Variants in NAPA observed in about 807,000 individuals in gnomAD.
The protein encoded by NAPA is NSF attachment protein alpha.
Under a neutral mutation model 48.0 loss-of-function variants are expected in NAPA, and 18 were observed. The ratio of observed to expected loss-of-function variants is 0.38; its 90% CI spans 0.26 to 0.56. The LOEUF is 0.56. NAPA is among the 20% of genes least tolerant of loss of function. NAPA has a pLI of 0.77. For missense variants in NAPA, 315 were observed against 385.0 expected (o/e 0.82, Z 1.52); for synonymous variants, 152 against 149.9 (o/e 1.01, Z -0.10).
intron 3 of NAPA, chr19:47,495,990 C>G: frequency 5.0e-6 from 1 of 200,180 alleles, no homozygotes; most frequent in Non-Finnish European, 1.0e-5. Context: ...AAGGACTGAG[C>G]TGCTGGCAAA....
At chr19:47,485,133 GATAA>G (rs1326037638), downstream of NAPA, among the ~76,000 whole-genome samples, 2 of 152,174 alleles carry the variant, frequency 1.3e-5, no homozygotes, top group Non-Finnish European at 2.9e-5. Flanking sequence ...TGCTGGCTCT[GATAA>G]TCTGATTCCT....
chr19:47,513,846 C>CTTTCT lies in NAPA; in HGVS notation c.98+996_98+997insAGAAA, dbSNP rs1555763093. Among the ~76,000 whole-genome samples, 174 of 115,874 alleles carry CTTTCT rather than the reference C, an allele frequency of 1.5e-3. 1 individual carries two copies. Among genetic ancestry groups the CTTTCT allele is most frequent in the African/African-American group, 6.2e-3 (165 of 26,658 alleles). The allele number at this position is 115,874 out of a possible 152,430, so 76.0% of individuals were successfully genotyped here. A position where few individuals can be genotyped will look rare whatever the true frequency, so the allele number is the denominator to read the frequency against. ...CTCAGGCTTTTTTCTTTCTTTCTTTCTTTTTTTTTTTTTTTTTTTTTGAGA... is the reference window on the plus strand; with the variant it reads ...CTCAGGCTTTTTTCTTTCTTTCTTTCTTTCTTTTTTTTTTTTTTTTTTTTTTGAGA... On this transcript the variant is annotated intron_variant, in intron 1 of 10. Coordinates refer to ENST00000263354, the MANE Select transcript of NAPA (RefSeq NM_003827.4).
chr19:47,487,198 C>T (rs1282262761), downstream of NAPA, among the ~76,000 whole-genome samples: 1 of 152,214 alleles, frequency 6.6e-6, no homozygotes, highest in Non-Finnish European at 1.5e-5. Flanking sequence ...CCTCCCCCGT[C>T]CTGTGACAGA....
chr19:47,503,555 A>T, intron 1 of NAPA, 53 bp from the exon 2 acceptor site: 2 of 1,557,800 alleles, frequency 1.3e-6, no homozygotes, highest in Non-Finnish European at 1.8e-6. Flanking sequence ...TATCCAGGAG[A>T]AAGCAAGCAT....
At position 47,498,125 on chromosome 19, in the gene NAPA, C is replaced by T. The variant is rs555179007; in HGVS notation, c.295+2508G>A. 3.0e-4 allele frequency among the ~76,000 whole-genome samples: 46 copies of T among 152,342 alleles called. 1 individual carries two copies. The highest frequency in any genetic ancestry group is 1.1e-3 in the African/African-American group (46 of 41,572). On this transcript the variant is annotated intron_variant, in intron 3 of 10. Coordinates refer to ENST00000263354, the MANE Select transcript of NAPA (RefSeq NM_003827.4). ...AGCCCAGTCGGGCCTCAGGCACACT[C>T]CAGCTGCCACTTGGGGGCAGGTCCT...
intron 1 of NAPA, among the ~76,000 whole-genome samples, chr19:47,512,983 C>A (rs1032443547): frequency 6.6e-6 from 1 of 152,114 alleles, no homozygotes; most frequent in African/African-American, 2.4e-5. Context: ...GTCCCACCAC[C>A]GTCCCCAGGC....
Position 47,506,340 on chromosome 19 carries a change from AAGAAACTTTCAAAACCTTCTGGCTG to A in NAPA, c.99-2863_99-2839del, listed in dbSNP as rs1473744207. 1.3e-5 allele frequency among the ~76,000 whole-genome samples: 2 copies of A among 152,120 alleles called. No individual in the cohort carries two copies. The highest frequency in any genetic ancestry group is 2.9e-5 in the Non-Finnish European group (2 of 68,024). On this transcript the variant is annotated intron_variant, in intron 1 of 10. Coordinates refer to ENST00000263354, the MANE Select transcript of NAPA (RefSeq NM_003827.4). This position sits in a 1 kb window ranked among gnomAD's most constrained non-coding sequence, Gnocchi z 4.0. ...AACCCATTCCTGGCCTTGGAGAGGT[AAGAAACTTTCAAAACCTTCTGGCTG>A]AGAATCCTGAAGGGTCCTTTGGGGC...
downstream of NAPA, among the ~76,000 whole-genome samples, chr19:47,485,066 A>T (rs1452880162): frequency 6.6e-6 from 1 of 152,182 alleles, no homozygotes; most frequent in Non-Finnish European, 1.5e-5. Flanking sequence ...CCCCAAGGAA[A>T]AATGATCCAG....
intron 3 of NAPA, among the ~76,000 whole-genome samples, chr19:47,498,993 C>T (rs780934312): frequency 4.6e-5 from 7 of 152,212 alleles, no homozygotes; most frequent in Non-Finnish European, 1.0e-4. Context: ...CCAGCCTCAG[C>T]TCTGTGCAAG....
chr19:47,487,394 C>T (rs1044136294), downstream of NAPA, among the ~76,000 whole-genome samples: 1 of 152,182 alleles, frequency 6.6e-6, no homozygotes, highest in Admixed American at 6.5e-5. Context: ...GGCCCCTGGA[C>T]CCCAAGAACC....
intron 1 of NAPA, among the ~76,000 whole-genome samples, chr19:47,513,434 TG>T (rs1968842416): frequency 1.3e-5 from 2 of 152,172 alleles, no homozygotes. Context: ...TCATAGCAAA[TG>T]GGAGGTAGGT....
chr19:47,491,127 C>A, intron 8 of NAPA: 1 of 403,962 alleles, frequency 2.5e-6, no homozygotes, highest in South Asian at 2.7e-5. Context: ...TCCCACCTGG[C>A]TCAGCTGGGG....
At chr19:47,507,576 G>A (rs1046895864) in intron 1 of NAPA, among the ~76,000 whole-genome samples, 6 of 152,164 alleles carry the variant, frequency 3.9e-5, no homozygotes, top group African/African-American at 9.7e-5. Flanking sequence ...ACAGGCCTAC[G>A]GTTTCCTCCT....
rs767149679 is a variant in NAPA, at chr19:47,488,362, G to C, written c.814C>G (p.Leu272Val). 1.9e-6 allele frequency: 3 copies of C among 1,613,546 alleles called. No homozygotes were observed. The highest frequency in any genetic ancestry group is 1.1e-5 in the South Asian group (1 of 91,076). Residue 272 changes from leucine to valine, a missense_variant, in exon 11 of 11, where the codon CTG (leucine) becomes GTG (valine). Coordinates refer to ENST00000263354, the MANE Select transcript of NAPA (RefSeq NM_003827.4). The part of the protein sequence containing the change: ...SVKEYDSISR[L>V]DQWLTTMLLR... Reference sequence around the variant, plus strand: ...AGCATGGTGGTGAGCCACTGGTCCAGCCGGGAGATGGAGTCGTATTCCTTC... The same window carrying C: ...AGCATGGTGGTGAGCCACTGGTCCACCCGGGAGATGGAGTCGTATTCCTTC...
At chr19:47,505,944 A>G (rs1599915387) in intron 1 of NAPA, among the ~76,000 whole-genome samples, 2 of 133,404 alleles carry the variant, frequency 1.5e-5, no homozygotes, top group Admixed American at 1.5e-4. Context: ...TCCCTCACCC[A>G]CCTCACCTCA....
intron 3 of NAPA, among the ~76,000 whole-genome samples, chr19:47,498,295 C>T (rs1968483453): frequency 6.6e-6 from 1 of 152,152 alleles, no homozygotes; most frequent in Admixed American, 6.5e-5. Context: ...AATCGGGCCT[C>T]CAGCGCTGTC....
intron 7 of NAPA, 34 bp from the exon 8 acceptor site, chr19:47,492,153 A>C (rs767732390): frequency 1.9e-5 from 30 of 1,584,808 alleles, no homozygotes; most frequent in Non-Finnish European, 2.3e-5. Flanking sequence ...TGGTGAGCTC[A>C]GGGCAAGCAG....
At chr19:47,503,590 G>A (rs76449265) in intron 1 of NAPA, 88 bp from the exon 2 acceptor site, 16,907 of 1,258,190 alleles carry the variant, frequency 0.013, 213 homozygotes, top group Middle Eastern at 0.046. Flanking sequence ...GGGCACAGAC[G>A]TGCCCCTACC....
At chr19:47,490,892 CAA>C in intron 8 of NAPA, 36 bp from the exon 9 acceptor site, 1 of 1,593,310 alleles carries the variant, frequency 6.3e-7, no homozygotes, top group Non-Finnish European at 8.6e-7. Context: ...GAGTTAGTAA[CAA>C]GAGGGTCCTC....
Sources: allele counts gnomAD v4.1 joint callset (sites outside exome capture counted in the v4.1 genomes callset), GRCh38; gene constraint gnomAD v4.1.1; non-coding constraint Gnocchi (gnomAD v3.1); transcripts MANE v1.5; gene names NCBI Gene and HGNC (gene_info 2026-07-23, HGNC 2026-07-21).